Variants in PLS1 observed in about 807,000 individuals in gnomAD.
The protein encoded by PLS1 is plastin-1.
A neutral mutation model predicts 73.7 loss-of-function variants in PLS1; 32 were observed. That is an observed-to-expected ratio of 0.43 (90% CI 0.33 to 0.58). PLS1 has a LOEUF of 0.58. PLS1 is among the 20% of genes least tolerant of loss of function. The pLI, the probability that PLS1 is intolerant of heterozygous loss-of-function variation, is 0.04. For synonymous variants in PLS1, 217 were observed against 261.3 expected (o/e 0.83, Z 1.63); for missense variants, 633 against 740.5 (o/e 0.85, Z 1.68).
intron 14 of PLS1, among the ~76,000 whole-genome samples, chr3:142,707,149 G>A (rs578135565): frequency 6.6e-6 from 1 of 152,186 alleles, no homozygotes; most frequent in Non-Finnish European, 1.5e-5. Flanking sequence ...TATGCTTAAT[G>A]ATAAAATCTT....
intron 14 of PLS1, among the ~76,000 whole-genome samples, chr3:142,705,185 A>T (rs2038433967): frequency 6.6e-6 from 1 of 152,190 alleles, no homozygotes; most frequent in African/African-American, 2.4e-5. Context: ...AACAGAATAG[A>T]GCTAAAAAAA....
chr3:142,635,330 TTAACC>T (rs534894364), intron 1 of PLS1, among the ~76,000 whole-genome samples: 9 of 151,676 alleles, frequency 5.9e-5, no homozygotes, highest in African/African-American at 1.9e-4. Context: ...GAGAAAAAAC[TTAACC>T]TTATCGATAA....
At chr3:142,687,045 C>G (rs767177867) in intron 9 of PLS1, among the ~76,000 whole-genome samples, 1 of 152,160 alleles carries the variant, frequency 6.6e-6, no homozygotes, top group Non-Finnish European at 1.5e-5. Flanking sequence ...GATACAGATT[C>G]TGACCTACCA....
At chr3:142,676,102 T>C in intron 4 of PLS1, 55 bp from the exon 5 acceptor site, 2 of 1,460,632 alleles carry the variant, frequency 1.4e-6, no homozygotes, top group Non-Finnish European at 1.9e-6. Context: ...TATGTTTTTA[T>C]AGTGCAATAA....
At chr3:142,613,377 G>A (rs2036157701) in intron 1 of PLS1, among the ~76,000 whole-genome samples, 1 of 152,008 alleles carries the variant, frequency 6.6e-6, no homozygotes, top group African/African-American at 2.4e-5. Flanking sequence ...CTACTCAGGA[G>A]GCTGAGGCAG....
intron 1 of PLS1, among the ~76,000 whole-genome samples, chr3:142,647,567 A>C (rs1029965201): frequency 1.8e-4 from 27 of 150,692 alleles, no homozygotes; most frequent in African/African-American, 5.9e-4. Flanking sequence ...CAACGGCACA[A>C]TGTTGGCTCA....
chr3:142,634,877 T>C (rs1222032033), intron 1 of PLS1, among the ~76,000 whole-genome samples: 2 of 151,844 alleles, frequency 1.3e-5, no homozygotes, highest in East Asian at 1.9e-4. Context: ...ATAAAACATA[T>C]GGGGTTTGAG....
At chr3:142,651,531 T>A (rs958396293) in intron 1 of PLS1, among the ~76,000 whole-genome samples, 2 of 151,046 alleles carry the variant, frequency 1.3e-5, no homozygotes, top group African/African-American at 2.4e-5. Context: ...CTCACTGTCT[T>A]GCTCAGGCTG....
At chr3:142,658,803 C>A in intron 1 of PLS1, among the ~76,000 whole-genome samples, 1 of 152,130 alleles carries the variant, frequency 6.6e-6, no homozygotes, top group East Asian at 1.9e-4. Context: ...AGAATTAACA[C>A]TTTACAGGCT....
At chr3:142,604,661 G>A (rs2035986906) in intron 1 of PLS1, among the ~76,000 whole-genome samples, 1 of 152,184 alleles carries the variant, frequency 6.6e-6, no homozygotes, top group African/African-American at 2.4e-5. Flanking sequence ...TTGGCCAGGT[G>A]CAGTGGCTCA....
chr3:142,645,616 A>G (rs2036937304), intron 1 of PLS1: 1 of 152,132 alleles, frequency 6.6e-6, no homozygotes, highest in African/African-American at 2.4e-5. Context: ...CTTGGAAATG[A>G]CTCACAGCTT....
chr3:142,601,776 C>G (rs758122788), intron 1 of PLS1, among the ~76,000 whole-genome samples: 11 of 152,108 alleles, frequency 7.2e-5, no homozygotes, highest in Admixed American at 4.6e-4. Flanking sequence ...CTCAGCTTCC[C>G]GAAGCCCTGA....
At chr3:142,613,268 A>G (rs9683274) in intron 1 of PLS1, among the ~76,000 whole-genome samples, 26,422 of 151,958 alleles carry the variant, frequency 0.17, 2,823 homozygotes, top group African/African-American at 0.3. Context: ...ACTTGTGGCC[A>G]GGAGTTGAAG....
intron 11 of PLS1, among the ~76,000 whole-genome samples, chr3:142,696,929 T>TCA (rs2038222462): frequency 1.3e-5 from 2 of 151,964 alleles, no homozygotes; most frequent in African/African-American, 4.8e-5. Flanking sequence ...ATATCAGACT[T>TCA]TCTCCCTCTA....
chr3:142,621,470 C>T (rs567908142), intron 1 of PLS1, among the ~76,000 whole-genome samples: 1 of 152,120 alleles, frequency 6.6e-6, no homozygotes, highest in Non-Finnish European at 1.5e-5. Context: ...TTAAATAAAT[C>T]ATGGTATAGT....
chr3:142,611,350 G>A (rs2036117202), intron 1 of PLS1, among the ~76,000 whole-genome samples: 1 of 152,180 alleles, frequency 6.6e-6, no homozygotes, highest in Non-Finnish European at 1.5e-5. Context: ...GGTCAAGCAT[G>A]GTGGCTCATG....
chr3:142,660,053 C>T (rs1328514743), intron 1 of PLS1, among the ~76,000 whole-genome samples: 1 of 152,040 alleles, frequency 6.6e-6, no homozygotes, highest in Non-Finnish European at 1.5e-5. Flanking sequence ...TTTTATCCTC[C>T]CTCAGATTTC....
intron 1 of PLS1, among the ~76,000 whole-genome samples, chr3:142,617,917 G>A (rs2036244684): frequency 1.3e-5 from 2 of 152,182 alleles, no homozygotes; most frequent in South Asian, 4.1e-4. Context: ...GGCAGACGTT[G>A]CAGTGAGCTG....
intron 6 of PLS1, among the ~76,000 whole-genome samples, chr3:142,683,652 G>A (rs1025264637): frequency 6.6e-6 from 1 of 152,082 alleles, no homozygotes; most frequent in Non-Finnish European, 1.5e-5. Flanking sequence ...AAACCTAATT[G>A]TACATCATTT....
Sources: gnomAD v4.1 joint callset for allele counts (sites outside exome capture counted in the v4.1 genomes callset) on GRCh38, gnomAD v4.1.1 for gene constraint, MANE v1.5 for transcripts, NCBI Gene and HGNC (gene_info 2026-07-23, HGNC 2026-07-21) for gene names.